The following RPS6KL1 variants were observed in gnomAD, a reference collection of about 807,000 sequenced individuals.
The protein encoded by RPS6KL1 is ribosomal protein S6 kinase like 1, also known as ribosomal protein S6 kinase-like 1.
In RPS6KL1, 41 loss-of-function variants were observed where a neutral mutation model predicts 57.0. The ratio of observed to expected loss-of-function variants is 0.72; its 90% CI spans 0.56 to 0.93. The LOEUF is 0.93. RPS6KL1 is among the 40% of genes least tolerant of loss of function. The pLI is 0.00. For synonymous variants in RPS6KL1, 287 were observed against 309.7 expected (o/e 0.93, Z 0.77); for missense variants, 697 against 727.7 (o/e 0.96, Z 0.49).
At chr14:74,917,462 G>C (rs1335502621) in intron 5 of RPS6KL1, among the ~76,000 whole-genome samples, 1 of 152,184 alleles carries the variant, frequency 6.6e-6, no homozygotes, top group Non-Finnish European at 1.5e-5. Context: ...CACCCAGTGA[G>C]TATGTTAAAT....
chr14:74,909,478 G>GA (rs1267189771), intron 8 of RPS6KL1, 65 bp downstream of exon 8: 2 of 1,519,204 alleles, frequency 1.3e-6, no homozygotes, highest in African/African-American at 2.8e-5. Context: ...CGACTTTGGG[G>GA]ATCTCTCGTC....
At chr14:74,917,133 G>A (rs182016690) in intron 5 of RPS6KL1, among the ~76,000 whole-genome samples, 263 of 152,354 alleles carry the variant, frequency 1.7e-3, no homozygotes, top group African/African-American at 6.1e-3. Flanking sequence ...TAAGGCCCGG[G>A]AGCAGAAGCC....
At chr14:74,907,255 A>G (rs937392101) in intron 11 of RPS6KL1, 131 bp from the exon 12 acceptor site, 1 of 1,380,040 alleles carries the variant, frequency 7.2e-7, no homozygotes, top group Non-Finnish European at 9.8e-7. Context: ...CCCCCATTTT[A>G]CCCTGGGAAC....
At chr14:74,908,381 G>A (rs1885277445) in intron 10 of RPS6KL1, among the ~76,000 whole-genome samples, 1 of 152,168 alleles carries the variant, frequency 6.6e-6, no homozygotes, top group South Asian at 2.1e-4. Flanking sequence ...AGTGTTTGCA[G>A]GGGGATCTTT....
Position 74,905,065 on chromosome 14 carries a change from A to AATT in RPS6KL1, c.*1946_*1948dup, listed in dbSNP as rs1330860195. The AATT allele has an allele frequency of 6.6e-6, 1 of 151,584 alleles. No homozygotes were observed. Among genetic ancestry groups the AATT allele is most frequent in the Non-Finnish European group, 1.5e-5 (1 of 68,024 alleles). The allele number at this position is 151,584 out of a possible 1,614,324, so 9.4% of individuals were successfully genotyped here. Reference sequence around the variant, plus strand: ...AACAGGATTTGGTGTTAGAAGCTTTAATTTATCTATCTGGTAAACCTGCAA... The same window carrying AATT: ...AACAGGATTTGGTGTTAGAAGCTTTAATTATTTATCTATCTGGTAAACCTGCAA... On this transcript the variant is annotated 3_prime_UTR_variant, in exon 12 of 12. Coordinates refer to ENST00000557413, the MANE Select transcript of RPS6KL1 (RefSeq NM_031464.5).
chr14:74,920,691 T>C (rs1887689375), intron 3 of RPS6KL1, among the ~76,000 whole-genome samples: 1 of 152,244 alleles, frequency 6.6e-6, no homozygotes, highest in Non-Finnish European at 1.5e-5. Flanking sequence ...GAAAATGCTC[T>C]AGGCCGGCCC....
chr14:74,908,533 A>G lies in RPS6KL1; in HGVS notation c.1443+317T>C, dbSNP rs567460727. On this transcript the variant is annotated intron_variant, in intron 10 of 11. Transcript: ENST00000557413. ...AGGAGTGAACAGCGGGCTCAGGATGATTGAACAGCCTTCCAGGGAAGAAGG... is the reference window on the plus strand; with the variant it reads ...AGGAGTGAACAGCGGGCTCAGGATGGTTGAACAGCCTTCCAGGGAAGAAGG... 4.6e-5 allele frequency among the ~76,000 whole-genome samples: 7 copies of G among 152,244 alleles called. No homozygotes were observed. In the South Asian group the frequency reaches 1.5e-3, roughly 32 times the overall value.
intron 10 of RPS6KL1, among the ~76,000 whole-genome samples, chr14:74,908,100 T>G (rs1387562809): frequency 2.6e-5 from 4 of 152,234 alleles, no homozygotes; most frequent in South Asian, 2.1e-4. Context: ...AGAGCCACTC[T>G]GGGGGAAATT....
At chr14:74,911,432 C>T in intron 6 of RPS6KL1, 52 bp from the exon 7 acceptor site, 2 of 1,577,452 alleles carry the variant, frequency 1.3e-6, no homozygotes, top group Non-Finnish European at 1.7e-6. Context: ...GAGACTGCTG[C>T]TGTTAGGGGA....
Position 74,919,171 on chromosome 14 carries a change from T to C in RPS6KL1, c.391-566A>G, listed in dbSNP as rs191412260. Among the ~76,000 whole-genome samples, 431 of 152,302 alleles carry C rather than the reference T, an allele frequency of 2.8e-3. 1 individual carries two copies. The highest frequency in any genetic ancestry group is 3.7e-3 in the Non-Finnish European group (254 of 68,020). On this transcript the variant is annotated intron_variant, in intron 4 of 11. Transcript: ENST00000557413. ...GCCTGGGTGACAAAGCGAGACTCCA[T>C]CTCAAAAGATGCAGATGCTCCCAAG...
At chr14:74,920,736 C>T (rs1887695991) in intron 3 of RPS6KL1, among the ~76,000 whole-genome samples, 1 of 152,228 alleles carries the variant, frequency 6.6e-6, no homozygotes, top group South Asian at 2.1e-4. Flanking sequence ...CCTCTCTTCA[C>T]TTCCCCACTA....
intron 5 of RPS6KL1, among the ~76,000 whole-genome samples, chr14:74,912,700 A>G (rs912791562): frequency 2.6e-5 from 4 of 152,072 alleles, no homozygotes; most frequent in Non-Finnish European, 5.9e-5. Flanking sequence ...CCATGACACA[A>G]GTTTATCTAT....
At chr14:74,913,466 A>C (rs1886355823) in intron 5 of RPS6KL1, among the ~76,000 whole-genome samples, 2 of 152,212 alleles carry the variant, frequency 1.3e-5, no homozygotes, top group South Asian at 4.1e-4. Context: ...CTGAAGTAGG[A>C]TAATCACTTG....
chr14:74,921,299 G>A lies in RPS6KL1; in HGVS notation c.243C>T (p.Asp81=), dbSNP rs142693107. 1.5e-5 allele frequency: 21 copies of A among 1,407,142 alleles called. No individual in the cohort carries two copies. The highest frequency in any genetic ancestry group is 1.0e-4 in the African/African-American group (7 of 67,940). The allele number at this position is 1,407,142 out of a possible 1,614,324, so 87.2% of individuals were successfully genotyped here. A position where few individuals can be genotyped will look rare whatever the true frequency, so the allele number is the denominator to read the frequency against. ...AAFNHYQNGV[D]VLLRGIHVDP... is the part of the protein sequence containing the mutation. ...CACCGTGTATGCCACGGAGCAGCAC[G>A]TCCACGCCATTCTGATAGTGGTTGA... Residue 81 remains aspartate, a synonymous_variant, in exon 3 of 12, where the codon GAC becomes GAT. Coordinates refer to ENST00000557413, the MANE Select transcript of RPS6KL1 (RefSeq NM_031464.5).
chr14:74,915,410 G>C (rs888652903), intron 5 of RPS6KL1, among the ~76,000 whole-genome samples: 4 of 152,200 alleles, frequency 2.6e-5, no homozygotes, highest in Non-Finnish European at 5.9e-5. Flanking sequence ...TTTTAAAAAA[G>C]AGCAATTGTT....
At chr14:74,907,987 A>C (rs1885208722) in intron 10 of RPS6KL1, among the ~76,000 whole-genome samples, 1 of 152,230 alleles carries the variant, frequency 6.6e-6, no homozygotes. Context: ...CACAGCTTTG[A>C]GGAGCAGAGG....
At position 74,909,053 on chromosome 14, in the gene RPS6KL1, C is replaced by G. The variant is rs761561422; in HGVS notation, c.1360+48G>C. 3 of 1,600,270 alleles carry G rather than the reference C, an allele frequency of 1.9e-6. No individual in the cohort carries two copies. In the Admixed American group the frequency reaches 5.0e-5, roughly 27 times the overall value. ...TCTCAGACTCTGGGCACAACCCACA[C>G]AAAGGCACCCAGGTGCTAAGGCCCA... On this transcript the variant is annotated intron_variant, in intron 9 of 11. Transcript: ENST00000557413.
chr14:74,908,880 C>T lies in RPS6KL1; in HGVS notation c.1413G>A (p.Gly471=), dbSNP rs894201797. 6 of 1,614,050 alleles carry T rather than the reference C, an allele frequency of 3.7e-6. No homozygotes were observed. The highest frequency in any genetic ancestry group is 5.1e-6 in the Non-Finnish European group (6 of 1,180,032). ...LTEACDWWSF[G]SLLYELLTGM... is the part of the protein sequence containing the mutation. ...CCGTCAGCAGTTCATACAGTAGAGA[C>T]CCAAAGCTCCACCAGTCACAGGCTT... Residue 471 remains glycine (G), a synonymous_variant, in exon 10 of 12, where the codon GGG becomes GGA. Coordinates refer to ENST00000557413, the MANE Select transcript of RPS6KL1 (RefSeq NM_031464.5).
chr14:74,916,390 C>G (rs1196954004), intron 5 of RPS6KL1, among the ~76,000 whole-genome samples: 1 of 152,154 alleles, frequency 6.6e-6, no homozygotes, highest in African/African-American at 2.4e-5. Flanking sequence ...GAAGGGTAGT[C>G]CTGAAATAGA....
Sources: gnomAD v4.1 joint callset for allele counts (sites outside exome capture counted in the v4.1 genomes callset) on GRCh38, gnomAD v4.1.1 for gene constraint, MANE v1.5 for transcripts, NCBI Gene and HGNC (gene_info 2026-07-23, HGNC 2026-07-21) for gene names.